The following HNF4A variants were observed in gnomAD, a reference collection of about 807,000 sequenced individuals.
HNF4A encodes hepatocyte nuclear factor 4-alpha.
In HNF4A, 15 loss-of-function variants were observed where a neutral mutation model predicts 52.4. That is an observed-to-expected ratio of 0.29 (90% CI 0.19 to 0.44). HNF4A has a LOEUF of 0.44. Among genes scored for constraint, HNF4A ranks in the 20% least tolerant of loss-of-function variants. The pLI, the probability that HNF4A is intolerant of heterozygous loss-of-function variation, is 1.00. For missense variants in HNF4A, 479 were observed against 647.2 expected (o/e 0.74, Z 2.82); for synonymous variants, 280 against 264.4 (o/e 1.06, Z -0.57).
intron 1 of HNF4A, 94 bp downstream of exon 1, chr20:44,355,947 A>G (rs780939207): frequency 1.0e-5 from 11 of 1,098,260 alleles, no homozygotes; most frequent in Non-Finnish European, 1.5e-5. Context: ...TACGGGCCCA[A>G]AGCTCCTCCT....
Position 44,424,038 on chromosome 20 carries a change from C to A in HNF4A, c.913C>A (p.Pro305Thr). 6.2e-7 allele frequency: 1 copy of A among 1,613,120 alleles called. No individual in the cohort carries two copies. The highest frequency in any genetic ancestry group is 8.5e-7 in the Non-Finnish European group (1 of 1,179,916). Residue 305 changes from proline (P) to threonine (T), a missense_variant, in exon 8 of 10, where the codon CCA becomes ACA. Physicochemically the swap from Pro to Thr is conservative, Grantham distance 38. Transcript: ENST00000316099. ...TGTAGATGCCAAGGGGCTGAGCGAT[C>A]CAGGGAAGATCAAGCGGCTGCGTTC... is the stretch of plus-strand genomic sequence containing the variant.
Position 44,414,548 on chromosome 20 carries a change from G to A in HNF4A, c.534G>A (p.Ala178=), listed in dbSNP as rs758124162. The change falls in exon 5 of 10, where the codon GCG becomes GCA. Residue 178 remains alanine (A), a synonymous_variant. Coordinates refer to ENST00000316099, the MANE Select transcript of HNF4A (RefSeq NM_000457.6). ...CCGGGATCAACGGCGACATTCGGGC[G>A]AAGAAGATTGCCAGCATCGCAGATG... The A allele has an allele frequency of 2.0e-5, 33 of 1,614,092 alleles. No individual in the cohort carries two copies. Among genetic ancestry groups the A allele is most frequent in the Admixed American group, 8.3e-5 (5 of 60,004 alleles).
intron 1 of HNF4A, among the ~76,000 whole-genome samples, chr20:44,384,829 G>A (rs1004414992): frequency 6.6e-6 from 1 of 152,100 alleles, no homozygotes; most frequent in Non-Finnish European, 1.5e-5. Context: ...GAGATAGGCT[G>A]AGTCATGACT....
intron 3 of HNF4A, among the ~76,000 whole-genome samples, chr20:44,411,907 T>A (rs79006377): frequency 0.038 from 5,555 of 146,934 alleles, 198 homozygotes; most frequent in South Asian, 0.11. Flanking sequence ...AAAAAAAAAA[T>A]TTAGCCAGGC....
intron 1 of HNF4A, chr20:44,401,625 G>A (rs1286544774): frequency 1.8e-6 from 2 of 1,112,450 alleles, no homozygotes; most frequent in African/African-American, 1.5e-5. Flanking sequence ...GCCAGCACAG[G>A]TGTTGCCAAG....
intron 1 of HNF4A, among the ~76,000 whole-genome samples, chr20:44,383,044 A>G (rs1176912730): frequency 6.6e-6 from 1 of 152,184 alleles, no homozygotes; most frequent in South Asian, 2.1e-4. Context: ...TGGTCCACAC[A>G]TGTAGTCCCA....
chr20:44,362,643 T>C (rs569059957), intron 1 of HNF4A, among the ~76,000 whole-genome samples: 2 of 152,122 alleles, frequency 1.3e-5, no homozygotes. Context: ...GGAAATATTA[T>C]CTCCATTTTA....
chr20:44,422,458 A>G (rs1330076282), intron 7 of HNF4A, among the ~76,000 whole-genome samples: 1 of 152,162 alleles, frequency 6.6e-6, no homozygotes. Context: ...ACAGCCCACT[A>G]GAAATGTGGG....
At chr20:44,419,972 C>T in intron 7 of HNF4A, 96 bp downstream of exon 7, 4 of 1,274,314 alleles carry the variant, frequency 3.1e-6, no homozygotes, top group Non-Finnish European at 3.4e-6. Flanking sequence ...TTCACAGCCT[C>T]ATCTCATGTT....
At chr20:44,402,310 CA>C (rs752701847) in intron 1 of HNF4A, among the ~76,000 whole-genome samples, 2 of 152,096 alleles carry the variant, frequency 1.3e-5, no homozygotes, top group African/African-American at 2.4e-5. Flanking sequence ...GGTCATAGAG[CA>C]CATGCGTTTG....
At chr20:44,390,830 G>A (rs2063294168) in intron 1 of HNF4A, among the ~76,000 whole-genome samples, 1 of 152,142 alleles carries the variant, frequency 6.6e-6, no homozygotes, top group Non-Finnish European at 1.5e-5. Flanking sequence ...CCTGATGGGT[G>A]AATGACGTTC....
chr20:44,402,722 G>C (rs977455843), intron 1 of HNF4A: 2 of 870,120 alleles, frequency 2.3e-6, no homozygotes, highest in African/African-American at 1.7e-5. Context: ...TCAGAGGAGA[G>C]GGGGCAGGCA....
intron 8 of HNF4A, chr20:44,424,455 T>A: frequency 1.9e-6 from 2 of 1,035,720 alleles, no homozygotes; most frequent in Non-Finnish European, 2.9e-6. Flanking sequence ...ACCGAGAACC[T>A]AGCACGTGCC....
At chr20:44,399,311 G>C (rs2063381320), upstream of HNF4A, among the ~76,000 whole-genome samples, 6 of 152,186 alleles carry the variant, frequency 3.9e-5, no homozygotes, top group Admixed American at 3.9e-4. Context: ...TTTACAGAGG[G>C]AGAAATTGAA....
intron 3 of HNF4A, among the ~76,000 whole-genome samples, chr20:44,410,637 C>T (rs1273645144): frequency 6.6e-6 from 1 of 152,044 alleles, no homozygotes; most frequent in Non-Finnish European, 1.5e-5. Context: ...AAAATAGTCC[C>T]TGAGAACCAG....
At chr20:44,417,060 A>T (rs759569793) in intron 5 of HNF4A, among the ~76,000 whole-genome samples, 1 of 152,238 alleles carries the variant, frequency 6.6e-6, no homozygotes, top group South Asian at 2.1e-4. Context: ...GTTTTTAAAC[A>T]TTGTGCCTCC....
intron 7 of HNF4A, 29 bp downstream of exon 7, chr20:44,419,905 T>C (rs1274101371): frequency 6.2e-7 from 1 of 1,610,896 alleles, no homozygotes; most frequent in Non-Finnish European, 8.5e-7. Context: ...AAGCCATCCC[T>C]GACTCTCTCT....
chr20:44,417,699 G>A (rs532872847), intron 5 of HNF4A, among the ~76,000 whole-genome samples: 47 of 152,192 alleles, frequency 3.1e-4, no homozygotes, highest in Admixed American at 6.5e-4. Context: ...CAGGCCGGGC[G>A]CAGTGGTTCA....
intron 2 of HNF4A, among the ~76,000 whole-genome samples, chr20:44,406,618 G>A (rs1223471905): frequency 6.6e-6 from 1 of 152,172 alleles, no homozygotes; most frequent in East Asian, 1.9e-4. Flanking sequence ...TTGACCCCAG[G>A]CCGTTCCACC....
Sources: gnomAD v4.1 joint callset for allele counts (sites outside exome capture counted in the v4.1 genomes callset) on GRCh38, gnomAD v4.1.1 for gene constraint, MANE v1.5 for transcripts, NCBI Gene and HGNC (gene_info 2026-07-23, HGNC 2026-07-21) for gene names.